The following ROR1 variants were observed in gnomAD, a reference collection of about 807,000 sequenced individuals.
ROR1 encodes ROR family WNT receptor 1.
A neutral mutation model predicts 78.8 loss-of-function variants in ROR1; 19 were observed. The observed-to-expected ratio is 0.24, with a 90% CI of 0.17 to 0.35. The LOEUF (loss-of-function observed/expected upper bound fraction) is 0.35. Among genes scored for constraint, ROR1 ranks in the 10% least tolerant of loss-of-function variants. ROR1 has a pLI of 1.00. For synonymous variants in ROR1, 386 were observed against 433.6 expected, an observed-to-expected ratio of 0.89 and a Z score of 1.36; for missense variants, 917 against 1,177.8, an observed-to-expected ratio of 0.78 and a Z score of 3.24.
intron 4 of ROR1, among the ~76,000 whole-genome samples, chr1:64,098,794 G>T (rs965684674): frequency 3.3e-5 from 5 of 152,158 alleles, no homozygotes; most frequent in African/African-American, 1.2e-4. Context: ...AACTGAAATA[G>T]ATCCTTTTAG....
intron 1 of ROR1, among the ~76,000 whole-genome samples, chr1:63,820,437 C>G (rs529295375): frequency 5.4e-4 from 82 of 152,284 alleles, no homozygotes; most frequent in Non-Finnish European, 1.0e-3. Context: ...TTTTGTTTTG[C>G]TTTTAGTTTA....
intron 2 of ROR1, among the ~76,000 whole-genome samples, chr1:64,026,993 C>T (rs1312344692): frequency 6.6e-6 from 1 of 152,222 alleles, no homozygotes; most frequent in Non-Finnish European, 1.5e-5. Flanking sequence ...TTAATACCAA[C>T]AATCTGTTAT....
chr1:64,084,377 T>A (rs1277768829), intron 4 of ROR1, among the ~76,000 whole-genome samples: 1 of 152,244 alleles, frequency 6.6e-6, no homozygotes, highest in African/African-American at 2.4e-5. Context: ...TCAAGGAAAC[T>A]TTATTATTGA....
intron 4 of ROR1, chr1:64,105,872 G>A (rs1488657493): frequency 2.6e-5 from 4 of 152,224 alleles, no homozygotes; most frequent in African/African-American, 7.2e-5. Context: ...CTGTAGTATA[G>A]TTTGAAGTCA....
rs1451930846 is a variant in ROR1 at position 64,092,966 on chromosome 1, G to A, written c.482+42250G>A. Among the ~76,000 whole-genome samples, 4 of 152,186 alleles carry A rather than the reference G, an allele frequency of 2.6e-5. No homozygotes were observed. The East Asian group carries it at 7.7e-4, about 29-fold the overall frequency. On this transcript the variant is annotated intron_variant, in intron 4 of 8. Transcript: ENST00000371079. ...GGTGGGGCTTATGACAGACATAGAT[G>A]TTTTCACAGTTACCACACAGGGCCA...
At chr1:63,896,808 G>T (rs1645443673) in intron 1 of ROR1, among the ~76,000 whole-genome samples, 1 of 152,148 alleles carries the variant, frequency 6.6e-6, no homozygotes, top group South Asian at 2.1e-4. Context: ...TGTATGCCTT[G>T]CACACCCACA....
At chr1:63,986,355 T>C (rs1470628309) in intron 1 of ROR1, among the ~76,000 whole-genome samples, 1 of 152,178 alleles carries the variant, frequency 6.6e-6, no homozygotes, top group Non-Finnish European at 1.5e-5. Flanking sequence ...AAAGCAGATA[T>C]AATTCCTGTT....
chr1:63,872,930 C>G (rs898570045), intron 1 of ROR1, among the ~76,000 whole-genome samples: 2 of 152,094 alleles, frequency 1.3e-5, no homozygotes, highest in African/African-American at 4.8e-5. Context: ...TTTGGTTCCT[C>G]AAACCCAAAG....
intron 4 of ROR1, among the ~76,000 whole-genome samples, chr1:64,109,815 AC>A (rs1648008324): frequency 6.6e-6 from 1 of 152,096 alleles, no homozygotes; most frequent in Non-Finnish European, 1.5e-5. Context: ...GGTGTGAGTT[AC>A]CTCATTCAGG....
At chr1:63,783,418 G>A (rs1450337591) in intron 1 of ROR1, among the ~76,000 whole-genome samples, 1 of 152,074 alleles carries the variant, frequency 6.6e-6, no homozygotes, top group Non-Finnish European at 1.5e-5. Flanking sequence ...TTGATGAAAA[G>A]AATAATAGTA....
In ROR1 at chr1:64,098,056, G is replaced by T. The variant is rs112001827; in HGVS notation, c.483-39313G>T. Among the ~76,000 whole-genome samples, 520 of 152,180 alleles carry T rather than the reference G, an allele frequency of 3.4e-3. 4 individuals are homozygous for T. Among genetic ancestry groups the T allele is most frequent in the African/African-American group, 0.012 (506 of 41,542 alleles). On this transcript the variant is annotated intron_variant, in intron 4 of 8. Coordinates refer to ENST00000371079, the MANE Select transcript of ROR1 (RefSeq NM_005012.4). ...ATTTAACCCTCAGCCTGGATCATGT[G>T]CTTGTCACAAATCAATATTTCTGCC...
intron 1 of ROR1, among the ~76,000 whole-genome samples, chr1:64,006,977 G>C (rs1646432635): frequency 6.6e-6 from 1 of 151,932 alleles, no homozygotes. Flanking sequence ...AGTAAATATG[G>C]AAATACGAAA....
intron 7 of ROR1, among the ~76,000 whole-genome samples, chr1:64,150,000 A>T (rs1649576734): frequency 6.6e-6 from 1 of 152,032 alleles, no homozygotes; most frequent in Non-Finnish European, 1.5e-5. Context: ...TCTGTCTCTC[A>T]TTTAGATCCC....
intron 1 of ROR1, among the ~76,000 whole-genome samples, chr1:63,874,483 C>T (rs959491641): frequency 6.6e-6 from 1 of 152,078 alleles, no homozygotes; most frequent in African/African-American, 2.4e-5. Context: ...TCCAACTTTC[C>T]ACCGGGTGCT....
intron 2 of ROR1, among the ~76,000 whole-genome samples, chr1:64,017,162 C>A (rs530377591): frequency 4.6e-5 from 7 of 152,084 alleles, no homozygotes; most frequent in African/African-American, 9.6e-5. Flanking sequence ...CCCCTCGGCC[C>A]CCCAAAGTGC....
rs561354647 is a variant in ROR1 at position 64,136,355 on chromosome 1, ATTT to A, written c.483-999_483-997del. On this transcript the variant is annotated intron_variant, in intron 4 of 8. Transcript: ENST00000371079. ...AGAAACCAAAGGGGAAAAACGGTGT[ATTT>A]TTTTTTTTTTTTTTGAGATGATATA... Among the ~76,000 whole-genome samples, 211 of 138,002 alleles carry A rather than the reference ATTT, an allele frequency of 1.5e-3. 1 individual carries two copies. Among genetic ancestry groups the A allele is most frequent in the African/African-American group, 5.3e-3 (201 of 38,066 alleles). 90.5% of individuals were successfully genotyped at this position (138,002 alleles called of 152,430 possible). A position where few individuals can be genotyped will look rare whatever the true frequency, so the allele number is the denominator to read the frequency against.
chr1:64,145,517 C>G (rs1017176811), intron 7 of ROR1, among the ~76,000 whole-genome samples: 1 of 152,180 alleles, frequency 6.6e-6, no homozygotes, highest in Non-Finnish European at 1.5e-5. Context: ...TGCCGGGTTT[C>G]ATACACCTTC....
chr1:63,979,782 A>G (rs986751913), intron 1 of ROR1, among the ~76,000 whole-genome samples: 5 of 152,238 alleles, frequency 3.3e-5, no homozygotes, highest in Non-Finnish European at 7.3e-5. Flanking sequence ...GCAGTTAGAA[A>G]TGATGGAGTA....
intron 1 of ROR1, among the ~76,000 whole-genome samples, chr1:63,907,054 G>A (rs1645534963): frequency 6.6e-6 from 1 of 152,192 alleles, no homozygotes; most frequent in African/African-American, 2.4e-5. Context: ...TGGGAGAAGA[G>A]AAGGTAAAAT....
Sources: allele counts gnomAD v4.1 joint callset (sites outside exome capture counted in the v4.1 genomes callset), GRCh38; gene constraint gnomAD v4.1.1; transcripts MANE v1.5; gene names NCBI Gene and HGNC (gene_info 2026-07-23, HGNC 2026-07-21).